Variants in TCF7L2 observed in about 807,000 individuals in gnomAD.
TCF7L2 encodes transcription factor 7 like 2.
In TCF7L2, 23 loss-of-function variants were observed where a neutral mutation model predicts 77.9. The observed-to-expected ratio is 0.30, with a 90% CI of 0.21 to 0.42. The LOEUF is 0.42. Among genes scored for constraint, TCF7L2 ranks in the 10% least tolerant of loss-of-function variants. The probability of loss-of-function intolerance (pLI) is 1.00; values close to 1 mark genes in which losing one functional copy is unlikely to be tolerated. For missense variants in TCF7L2, 654 were observed against 793.1 expected, an observed-to-expected ratio of 0.82 and a Z score of 2.11; for synonymous variants, 413 against 340.2, an observed-to-expected ratio of 1.21 and a Z score of -2.36.
intron 4 of TCF7L2, among the ~76,000 whole-genome samples, chr10:112,996,833 T>C (rs1479286549): frequency 6.6e-6 from 1 of 152,170 alleles, no homozygotes; most frequent in African/African-American, 2.4e-5. Flanking sequence ...AGGTGGGAAT[T>C]TCTACAGCTT....
intron 4 of TCF7L2, among the ~76,000 whole-genome samples, chr10:112,989,989 G>A (rs1297236832): frequency 6.6e-6 from 1 of 152,172 alleles, no homozygotes; most frequent in Non-Finnish European, 1.5e-5. Context: ...CTGCGAATGT[G>A]TTGGCTTTGA....
chr10:113,080,621 T>G (rs530114680), intron 5 of TCF7L2, among the ~76,000 whole-genome samples: 42 of 152,354 alleles, frequency 2.8e-4, no homozygotes, highest in African/African-American at 1.0e-3. Context: ...GATTTCTCCT[T>G]TCATAATATC....
At chr10:112,965,138 C>G (rs2036441505) in intron 4 of TCF7L2, among the ~76,000 whole-genome samples, 1 of 152,114 alleles carries the variant, frequency 6.6e-6, no homozygotes, top group Non-Finnish European at 1.5e-5. Context: ...AAGAATATCT[C>G]TTTGGACCTG....
At chr10:113,047,328 GTC>G (rs2134440218) in intron 5 of TCF7L2, among the ~76,000 whole-genome samples, 1 of 152,272 alleles carries the variant, frequency 6.6e-6, no homozygotes, top group Admixed American at 6.5e-5. Flanking sequence ...TGATTTTAAT[GTC>G]TCTGGGGAAT....
chr10:112,967,084 G>A (rs11196172), intron 4 of TCF7L2, among the ~76,000 whole-genome samples: 21,592 of 152,210 alleles, frequency 0.14, 2,438 homozygotes, highest in East Asian at 0.66. Context: ...GGGAAAAGAA[G>A]GGGAAAGCTT....
intron 4 of TCF7L2, among the ~76,000 whole-genome samples, chr10:113,004,988 TA>T (rs1417289687): frequency 1.3e-5 from 2 of 152,210 alleles, no homozygotes; most frequent in Non-Finnish European, 2.9e-5. Context: ...TTCCATTTCT[TA>T]ACCCCTCCTT....
At chr10:113,094,092 C>G (rs980673910) in intron 5 of TCF7L2, among the ~76,000 whole-genome samples, 2 of 152,182 alleles carry the variant, frequency 1.3e-5, no homozygotes, top group Non-Finnish European at 2.9e-5. Flanking sequence ...TGTGCGCGTG[C>G]ACGCGCATGT....
intron 12 of TCF7L2, among the ~76,000 whole-genome samples, 160 bp downstream of exon 13, chr10:113,158,877 A>G (rs1592449173): frequency 6.8e-6 from 1 of 146,030 alleles, no homozygotes; most frequent in Admixed American, 6.8e-5. Flanking sequence ...TTTTTTTTTC[A>G]GTTGCTTCTG....
intron 11 of TCF7L2, among the ~76,000 whole-genome samples, chr10:113,157,027 G>A (rs944213851): frequency 2.0e-5 from 3 of 152,256 alleles, no homozygotes; most frequent in African/African-American, 7.2e-5. Context: ...CATGGGAGGA[G>A]TGGTATCATC....
In TCF7L2 at chr10:113,111,579, C is replaced by T. The variant is rs138384699; in HGVS notation, c.553-29605C>T. Reference sequence around the variant, plus strand: ...GGCCAAAGCAGGAGGATCACTTGAGCCCAGGAGTTTGAGACCAGCCTGGGC... The same window carrying T: ...GGCCAAAGCAGGAGGATCACTTGAGTCCAGGAGTTTGAGACCAGCCTGGGC... On this transcript the variant is annotated intron_variant, in intron 5 of 13. Transcript: ENST00000627217. Among the ~76,000 whole-genome samples, 150 of 152,166 alleles carry T rather than the reference C, an allele frequency of 9.9e-4. 2 individuals carry two copies. The highest frequency in any genetic ancestry group is 9.1e-3 in the East Asian group (47 of 5,168).
chr10:113,162,454 CT>C (rs2073316905), intron 13 of TCF7L2, among the ~76,000 whole-genome samples: 1 of 152,064 alleles, frequency 6.6e-6, no homozygotes, highest in African/African-American at 2.4e-5. Context: ...TAGCTTACAC[CT>C]TGCTTACAGC....
intron 12 of TCF7L2, among the ~76,000 whole-genome samples, 158 bp downstream of exon 13, chr10:113,158,875 T>C (rs952543061): frequency 6.6e-6 from 1 of 151,978 alleles, no homozygotes; most frequent in Non-Finnish European, 1.5e-5. Flanking sequence ...ATTTTTTTTT[T>C]CAGTTGCTTC....
At position 112,951,587 on chromosome 10, in the gene TCF7L2, C is replaced by T; in HGVS notation, c.361C>T (p.Leu121Phe). The change falls in exon 3 of 14, where the codon CTC becomes TTC. Residue 121 changes from leucine (L) to phenylalanine (F), a missense_variant. By Grantham distance (22) the Leu-to-Phe change is conservative. Around this residue, in one of 6 missense-constraint regions of TCF7L2, gnomAD observed 132 missense variants for 123.7 expected, o/e 1.07. Transcript: ENST00000627217. ...GAGCCCCTACCTCCCCAACGGATCG[C>T]TCTCGCCCACCGCCCGAACCGTAAG... is the stretch of plus-strand genomic sequence containing the variant. 1 of 1,346,482 alleles carries T rather than the reference C, an allele frequency of 7.4e-7. No individual in the cohort carries two copies. The highest frequency in any genetic ancestry group is 9.8e-7 in the Non-Finnish European group (1 of 1,019,836). The allele number at this position is 1,346,482 out of a possible 1,614,324, so 83.4% of individuals were successfully genotyped here.
chr10:113,119,905 G>A (rs1029951710), intron 5 of TCF7L2, among the ~76,000 whole-genome samples: 2 of 152,130 alleles, frequency 1.3e-5, no homozygotes, highest in Non-Finnish European at 2.9e-5. Context: ...CTCTACCAGC[G>A]CTTGGCCTCC....
chr10:113,074,020 C>G (rs987730339), intron 5 of TCF7L2, among the ~76,000 whole-genome samples: 3 of 152,118 alleles, frequency 2.0e-5, no homozygotes, highest in African/African-American at 7.2e-5. Context: ...ACTCTGGTGT[C>G]GGCCGCTGGT....
At chr10:113,100,125 A>G (rs1438682701) in intron 5 of TCF7L2, among the ~76,000 whole-genome samples, 2 of 152,190 alleles carry the variant, frequency 1.3e-5, no homozygotes, top group African/African-American at 4.8e-5. Context: ...TTGTCTGGCA[A>G]CAGGTTTCTG....
At chr10:113,076,544 T>G (rs1284484567) in intron 5 of TCF7L2, among the ~76,000 whole-genome samples, 1 of 152,238 alleles carries the variant, frequency 6.6e-6, no homozygotes, top group East Asian at 1.9e-4. Context: ...CCAGATTACC[T>G]TGTAGGATTA....
chr10:113,160,495 G>T, intron 12 of TCF7L2: 1 of 715,086 alleles, frequency 1.4e-6, no homozygotes, highest in South Asian at 3.0e-5. Context: ...TCCTTGGTGA[G>T]GGAAGATTAT....
intron 5 of TCF7L2, among the ~76,000 whole-genome samples, chr10:113,091,588 G>A (rs753101410): frequency 2.0e-4 from 30 of 152,124 alleles, no homozygotes; most frequent in Non-Finnish European, 3.1e-4. Context: ...GTGGTGGCGC[G>A]TGCCCGTACT....
Sources: gnomAD v4.1 joint callset for allele counts (sites outside exome capture counted in the v4.1 genomes callset) on GRCh38, gnomAD v4.1.1 for gene constraint, gnomAD v4.1.1 regional missense constraint, MANE v1.5 for transcripts, NCBI Gene and HGNC (gene_info 2026-07-23, HGNC 2026-07-21) for gene names.